The following IMMP2L variants were observed in gnomAD, a reference collection of about 807,000 sequenced individuals.
IMMP2L encodes the protein mitochondrial inner membrane protease subunit 2.
IMMP2L carries 18 observed loss-of-function variants against 19.3 expected under a neutral mutation model. That is an observed-to-expected ratio of 0.93 (90% CI 0.64 to 1.38). The LOEUF is 1.38. Among genes scored for constraint, IMMP2L ranks in the 40% most tolerant of loss-of-function variants. The pLI is 0.00. For missense variants in IMMP2L, 233 were observed against 218.2 expected (o/e 1.07, Z -0.43); for synonymous variants, 76 against 73.0 (o/e 1.04, Z -0.21).
intron 3 of IMMP2L, among the ~76,000 whole-genome samples, chr7:111,367,888 G>C (rs1020629278): frequency 6.6e-6 from 1 of 151,590 alleles, no homozygotes; most frequent in East Asian, 1.9e-4. Flanking sequence ...ATAGATGATA[G>C]CTATTATTTC....
At chr7:111,387,885 G>A (rs1831927225) in intron 3 of IMMP2L, among the ~76,000 whole-genome samples, 1 of 149,464 alleles carries the variant, frequency 6.7e-6, no homozygotes, top group African/African-American at 2.5e-5. Context: ...TTGAGGCAGG[G>A]GAATCACCTG....
intron 3 of IMMP2L, among the ~76,000 whole-genome samples, chr7:111,433,238 G>A (rs1836815741): frequency 1.3e-5 from 2 of 151,710 alleles, no homozygotes; most frequent in Admixed American, 6.6e-5. Flanking sequence ...TCACTATCAC[G>A]AGAACAGCAT....
intron 5 of IMMP2L, among the ~76,000 whole-genome samples, chr7:110,861,175 CAG>C (rs1353824304): frequency 2.7e-5 from 4 of 147,650 alleles, no homozygotes; most frequent in African/African-American, 1.0e-4. Context: ...TACTGTAAGA[CAG>C]AGAGAAGAAA....
chr7:110,988,393 G>T (rs1822077915), intron 3 of IMMP2L, among the ~76,000 whole-genome samples: 1 of 152,138 alleles, frequency 6.6e-6, no homozygotes, highest in South Asian at 2.1e-4. Flanking sequence ...AAATATCTTG[G>T]AAACAGATCT....
intron 5 of IMMP2L, among the ~76,000 whole-genome samples, chr7:110,830,447 G>T (rs939050352): frequency 3.3e-5 from 5 of 151,928 alleles, no homozygotes; most frequent in African/African-American, 1.2e-4. Context: ...TACCCTTGAA[G>T]ATCTCTTACA....
chr7:111,497,545 T>C (rs958157317), intron 2 of IMMP2L, among the ~76,000 whole-genome samples: 4 of 151,558 alleles, frequency 2.6e-5, no homozygotes, highest in African/African-American at 9.7e-5. Context: ...AAGTGAAAAA[T>C]GCGACATAGA....
chr7:110,930,411 G>C (rs1815338554), intron 4 of IMMP2L, among the ~76,000 whole-genome samples: 1 of 151,938 alleles, frequency 6.6e-6, no homozygotes, highest in Non-Finnish European at 1.5e-5. Flanking sequence ...AAAAGCAAAT[G>C]ATAGTGATAT....
intron 3 of IMMP2L, among the ~76,000 whole-genome samples, chr7:111,168,527 G>T: frequency 6.6e-6 from 1 of 151,580 alleles, no homozygotes; most frequent in Non-Finnish European, 1.5e-5. Context: ...TATTTTTTGG[G>T]GGCAAATATA....
At chr7:111,304,670 A>ATATGTG (rs1554439072) in intron 3 of IMMP2L, among the ~76,000 whole-genome samples, 1 of 126,010 alleles carries the variant, frequency 7.9e-6, no homozygotes, top group Non-Finnish European at 1.7e-5. Flanking sequence ...CACATATATA[A>ATATGTG]TGTGTGTGTG....
chr7:111,313,792 G>C (rs891739664), intron 3 of IMMP2L, among the ~76,000 whole-genome samples: 4 of 152,246 alleles, frequency 2.6e-5, no homozygotes, highest in African/African-American at 7.2e-5. Flanking sequence ...AAGGGTCATA[G>C]ATGGTGTATA....
chr7:111,500,587 G>A (rs941784219), intron 2 of IMMP2L, among the ~76,000 whole-genome samples: 6 of 152,108 alleles, frequency 3.9e-5, no homozygotes, highest in East Asian at 1.9e-4. Context: ...TCACATGGCC[G>A]GGTACTCCTC....
chr7:110,669,052 C>CGT (rs1165734674), intron 5 of IMMP2L, among the ~76,000 whole-genome samples: 2,645 of 65,218 alleles, frequency 0.041, 26 homozygotes, highest in Middle Eastern at 0.1. Flanking sequence ...TGTGTGTGTG[C>CGT]GTGTGTGTGT....
intron 1 of IMMP2L, among the ~76,000 whole-genome samples, chr7:111,535,096 G>C (rs1847761668): frequency 6.6e-6 from 1 of 152,190 alleles, no homozygotes; most frequent in East Asian, 1.9e-4. Context: ...TTTACAAAAT[G>C]TCACTGGTTT....
In IMMP2L at chr7:110,728,950, G is replaced by A. The variant is rs999099015; in HGVS notation, c.409-65229C>T. ...TTTTCACCCAGGCTGGACTGCAATG[G>A]CGCGATCTCAGCTCACAGCAACCTC... On this transcript the variant is annotated intron_variant, in intron 5 of 5. Coordinates refer to ENST00000405709, the MANE Select transcript of IMMP2L (RefSeq NM_032549.4). This position sits in a 1 kb window ranked among gnomAD's most constrained non-coding sequence, Gnocchi z 4.6. 6.6e-6 allele frequency among the ~76,000 whole-genome samples: 1 copy of A among 152,074 alleles called. No individual in the cohort carries two copies. Among genetic ancestry groups the A allele is most frequent in the Non-Finnish European group, 1.5e-5 (1 of 68,014 alleles).
rs547172560 is a variant in IMMP2L, at chr7:111,381,025, G to C, written c.239+106213C>G. Among the ~76,000 whole-genome samples, 4 of 152,000 alleles carry C rather than the reference G, an allele frequency of 2.6e-5. No homozygotes were observed. The East Asian group carries it at 7.7e-4, about 29-fold the overall frequency. ...CGTATTTAAAAATAAATAGATCTGA[G>C]AATAAAGAAAACCATGTTTTCACCC... On this transcript the variant is annotated intron_variant, in intron 3 of 5. Transcript: ENST00000405709.
intron 3 of IMMP2L, among the ~76,000 whole-genome samples, chr7:111,332,397 T>C (rs1222877479): frequency 6.6e-6 from 1 of 151,824 alleles, no homozygotes; most frequent in African/African-American, 2.4e-5. Context: ...GAAAATCATA[T>C]AAAATCAAAT....
At chr7:111,439,218 T>G (rs760679502) in intron 3 of IMMP2L, among the ~76,000 whole-genome samples, 1 of 151,870 alleles carries the variant, frequency 6.6e-6, no homozygotes, top group Non-Finnish European at 1.5e-5. Flanking sequence ...CCTTCATCTC[T>G]GCTTCTCAGA....
chr7:111,007,696 T>C (rs374780369), intron 3 of IMMP2L, among the ~76,000 whole-genome samples: 3 of 152,108 alleles, frequency 2.0e-5, no homozygotes, highest in Non-Finnish European at 4.4e-5. Context: ...TAGACATGCA[T>C]GTATGTCTGT....
intron 5 of IMMP2L, among the ~76,000 whole-genome samples, chr7:110,735,380 C>T (rs1193946245): frequency 1.3e-5 from 2 of 152,038 alleles, no homozygotes; most frequent in African/African-American, 4.8e-5. Flanking sequence ...TAAACTTCCA[C>T]TCTTAACCTC....
Sources: allele counts gnomAD v4.1 joint callset (sites outside exome capture counted in the v4.1 genomes callset), GRCh38; gene constraint gnomAD v4.1.1; non-coding constraint Gnocchi (gnomAD v3.1); transcripts MANE v1.5; gene names NCBI Gene and HGNC (gene_info 2026-07-23, HGNC 2026-07-21).